SARNP: variants seen among roughly 807,000 people sequenced by gnomAD.
SARNP encodes SAP domain-containing ribonucleoprotein.
Under a neutral mutation model 38.1 loss-of-function variants are expected in SARNP, and 5 were observed. The observed-to-expected ratio is 0.13, with a 90% CI of 0.07 to 0.28. The LOEUF (loss-of-function observed/expected upper bound fraction) is 0.28, where lower values mean the gene tolerates loss of function less well. Ranked by LOEUF, SARNP falls within the 10% of genes least tolerant of loss-of-function variation. The probability of loss-of-function intolerance (pLI) is 1.00; values close to 1 mark genes in which losing one functional copy is unlikely to be tolerated. For synonymous variants in SARNP, 84 were observed against 80.6 expected, an observed-to-expected ratio of 1.04 and a Z score of -0.23; for missense variants, 180 against 243.9, an observed-to-expected ratio of 0.74 and a Z score of 1.75.
chr12:55,805,248 G>A (rs995609076), intron 1 of SARNP, among the ~76,000 whole-genome samples: 13 of 152,182 alleles, frequency 8.5e-5, no homozygotes, highest in South Asian at 6.2e-4. Flanking sequence ...GCGAAAGTGC[G>A]AGACTCCGTC....
intron 1 of SARNP, among the ~76,000 whole-genome samples, chr12:55,807,810 T>C (rs551269267): frequency 7.0e-5 from 10 of 142,824 alleles, no homozygotes; most frequent in Non-Finnish European, 1.2e-4. Context: ...CGAGACTTTG[T>C]CTCAAAAAAA....
At chr12:55,803,499 A>G (rs1880045843) in intron 2 of SARNP, 130 bp downstream of exon 2, 2 of 515,514 alleles carry the variant, frequency 3.9e-6, no homozygotes, top group Admixed American at 7.1e-5. Context: ...AAAAAAAGAG[A>G]GAGTTTTCTT....
At chr12:55,802,643 A>G (rs957406572) in intron 2 of SARNP, among the ~76,000 whole-genome samples, 5 of 151,890 alleles carry the variant, frequency 3.3e-5, no homozygotes, top group Admixed American at 1.3e-4. Context: ...ATACACAAAT[A>G]TTCCAAAATC....
intron 8 of SARNP, among the ~76,000 whole-genome samples, chr12:55,790,168 A>AT (rs1256717787): frequency 1.1e-3 from 165 of 150,446 alleles, no homozygotes; most frequent in African/African-American, 3.7e-3. Flanking sequence ...CACGGATAGT[A>AT]TTTTAAAAAA....
intron 9 of SARNP, among the ~76,000 whole-genome samples, chr12:55,778,642 T>C (rs946164734): frequency 2.0e-5 from 3 of 152,146 alleles, no homozygotes; most frequent in Non-Finnish European, 4.4e-5. Context: ...GAAAAGGGAA[T>C]GTAAAGGAGT....
chr12:55,753,377 T>C (rs545872285), downstream of SARNP: 1 of 152,332 alleles, frequency 6.6e-6, no homozygotes, highest in East Asian at 1.9e-4. Context: ...ATTCTTTCAG[T>C]TCACTGTAAA....
chr12:55,793,582 T>TTA (rs1180940827), intron 7 of SARNP: 1 of 151,776 alleles, frequency 6.6e-6, no homozygotes, highest in East Asian at 1.9e-4. Flanking sequence ...CCGCATTTGG[T>TTA]TATGGTGAAC....
rs192232814 is a variant in SARNP, at chr12:55,809,627, T to C, written c.37-5899A>G. On this transcript the variant is annotated intron_variant, in intron 1 of 10. Coordinates refer to ENST00000336133, the MANE Select transcript of SARNP (RefSeq NM_033082.4). ...AACTAGCCAGGCACACTTGTAGTCC[T>C]AGCTACTCGGGAGGCTAAGGCAGGG... Among the ~76,000 whole-genome samples, 533 of 84,462 alleles carry C rather than the reference T, an allele frequency of 6.3e-3. 3 individuals carry two copies. The highest frequency in any genetic ancestry group is 0.022 in the African/African-American group (514 of 22,988). The allele number at this position is 84,462 out of a possible 152,430, so 55.4% of individuals were successfully genotyped here.
At chr12:55,778,926 G>A (rs535519349) in intron 9 of SARNP, among the ~76,000 whole-genome samples, 8 of 152,260 alleles carry the variant, frequency 5.3e-5, no homozygotes, top group African/African-American at 1.7e-4. Context: ...AGCCAAGATC[G>A]TGCCATTGCA....
At chr12:55,764,361 G>A (rs995075417) in intron 9 of SARNP, among the ~76,000 whole-genome samples, 3 of 151,762 alleles carry the variant, frequency 2.0e-5, no homozygotes, top group African/African-American at 4.8e-5. Context: ...GAGAAACCCC[G>A]CCTCTACTAA....
At chr12:55,781,672 ACTG>A (rs1879346121) in intron 9 of SARNP, among the ~76,000 whole-genome samples, 1 of 152,192 alleles carries the variant, frequency 6.6e-6, no homozygotes, top group Admixed American at 6.5e-5. Flanking sequence ...GAAAATGATC[ACTG>A]CAGCTATCCA....
At chr12:55,754,971 A>C (rs1022266291), downstream of SARNP, 3 of 152,196 alleles carry the variant, frequency 2.0e-5, no homozygotes, top group Admixed American at 1.3e-4. Context: ...AGATAACAAG[A>C]AAGTTAGGGA....
intron 8 of SARNP, among the ~76,000 whole-genome samples, chr12:55,789,754 G>A (rs1255557716): frequency 6.6e-6 from 1 of 151,828 alleles, no homozygotes; most frequent in Non-Finnish European, 1.5e-5. Flanking sequence ...GACCAGCCTG[G>A]CCAACATGGT....
intron 9 of SARNP, among the ~76,000 whole-genome samples, chr12:55,784,110 GT>G (rs1879419066): frequency 6.6e-6 from 1 of 152,140 alleles, no homozygotes; most frequent in Non-Finnish European, 1.5e-5. Flanking sequence ...CAAAAAGTGG[GT>G]TTTTCATTGT....
intron 8 of SARNP, among the ~76,000 whole-genome samples, chr12:55,789,958 A>G (rs1283249536): frequency 6.6e-6 from 1 of 151,506 alleles, no homozygotes; most frequent in South Asian, 2.1e-4. Context: ...AAAAAAAAAA[A>G]AAAAAGAATA....
Position 55,790,532 on chromosome 12 carries a change from TC to T in SARNP, c.432+34del, listed in dbSNP as rs552157553. 4.7e-3 allele frequency: 7,327 copies of T among 1,554,350 alleles called. 31 individuals are homozygous for T. The highest frequency in any genetic ancestry group is 7.8e-3 in the South Asian group (636 of 81,316). Reference sequence around the variant, plus strand: ...TAAAGTTAGCTATATAGAATTAAGATCTGGGTGTGTAAGAAATAAAAAAAGA... The same window carrying T: ...TAAAGTTAGCTATATAGAATTAAGATTGGGTGTGTAAGAAATAAAAAAAGA... On this transcript the variant is annotated intron_variant, in intron 8 of 10. Coordinates refer to ENST00000336133, the MANE Select transcript of SARNP (RefSeq NM_033082.4).
chr12:55,786,542 C>T (rs1378650385), intron 9 of SARNP, among the ~76,000 whole-genome samples: 2 of 152,146 alleles, frequency 1.3e-5, no homozygotes, highest in Non-Finnish European at 2.9e-5. Flanking sequence ...CTCCGCCCTC[C>T]GAGTTCAAGC....
chr12:55,801,447 A>G (rs534593030), intron 2 of SARNP, among the ~76,000 whole-genome samples: 62 of 152,294 alleles, frequency 4.1e-4, no homozygotes, highest in Non-Finnish European at 7.8e-4. Flanking sequence ...AGTCTTGAAT[A>G]ACAAACAAAA....
chr12:55,772,500 G>A (rs1879036709), intron 9 of SARNP, among the ~76,000 whole-genome samples: 1 of 152,028 alleles, frequency 6.6e-6, no homozygotes, highest in Non-Finnish European at 1.5e-5. Context: ...TTCAACCCCA[G>A]AGGAGGTCGT....
Sources: allele counts gnomAD v4.1 joint callset (sites outside exome capture counted in the v4.1 genomes callset), GRCh38; gene constraint gnomAD v4.1.1; transcripts MANE v1.5; gene names NCBI Gene and HGNC (gene_info 2026-07-23, HGNC 2026-07-21).